The following GPM6A variants were observed in gnomAD, a reference collection of about 807,000 sequenced individuals.
GPM6A encodes the protein neuronal membrane glycoprotein M6-a.
Under a neutral mutation model 32.1 loss-of-function variants are expected in GPM6A, and 7 were observed. That is an observed-to-expected ratio of 0.22 (90% confidence interval 0.12 to 0.41). The LOEUF (loss-of-function observed/expected upper bound fraction) is 0.41, where lower values mean the gene tolerates loss of function less well. Among genes scored for constraint, GPM6A ranks in the 10% least tolerant of loss-of-function variants. GPM6A has a pLI of 1.00. For missense variants in GPM6A, 235 were observed against 347.2 expected, an observed-to-expected ratio of 0.68 and a Z score of 2.57; for synonymous variants, 130 against 123.4, an observed-to-expected ratio of 1.05 and a Z score of -0.35.
chr4:175,815,609 G>C (rs1444855071), upstream of GPM6A, among the ~76,000 whole-genome samples: 1 of 151,956 alleles, frequency 6.6e-6, no homozygotes, highest in Non-Finnish European at 1.5e-5. Flanking sequence ...GCTGTAGGCA[G>C]TGGCTCATGC....
intron 1 of GPM6A, among the ~76,000 whole-genome samples, chr4:175,742,162 T>G (rs548510508): frequency 6.6e-6 from 1 of 152,234 alleles, no homozygotes; most frequent in South Asian, 2.1e-4. Flanking sequence ...ATTATTTCCC[T>G]AAGTTAATAC....
At chr4:175,638,546 C>G (rs1428555815) in intron 6 of GPM6A, among the ~76,000 whole-genome samples, 1 of 152,090 alleles carries the variant, frequency 6.6e-6, no homozygotes, top group East Asian at 1.9e-4. Context: ...TCTATCATCT[C>G]AAAATCTGTT....
At chr4:175,698,142 A>G (rs1442165233) in intron 2 of GPM6A, among the ~76,000 whole-genome samples, 1 of 151,806 alleles carries the variant, frequency 6.6e-6, no homozygotes. Flanking sequence ...GAAGTAGGTA[A>G]CTCCTCAAAT....
intron 1 of GPM6A, among the ~76,000 whole-genome samples, chr4:175,703,696 A>G (rs951821244): frequency 2.0e-5 from 3 of 152,244 alleles, no homozygotes; most frequent in African/African-American, 7.2e-5. Flanking sequence ...AATTAACTAG[A>G]AATGCTTAAG....
At chr4:175,692,358 T>A (rs887936930) in intron 2 of GPM6A, among the ~76,000 whole-genome samples, 2 of 152,190 alleles carry the variant, frequency 1.3e-5, no homozygotes, top group African/African-American at 4.8e-5. Flanking sequence ...TCTCTCTTTG[T>A]TCCCTAATGC....
chr4:175,666,266 C>G (rs542927819), intron 3 of GPM6A, among the ~76,000 whole-genome samples: 2 of 152,162 alleles, frequency 1.3e-5, no homozygotes, highest in Non-Finnish European at 2.9e-5. Context: ...TAATGCTAGT[C>G]TTACTAATTC....
chr4:175,651,945 C>A lies in GPM6A; in HGVS notation c.430G>T (p.Val144Phe). The A allele has an allele frequency of 6.2e-7, 1 of 1,612,872 alleles. No individual in the cohort carries two copies. The highest frequency in any genetic ancestry group is 8.5e-7 in the Non-Finnish European group (1 of 1,179,260). The change falls in exon 4 of 7, where the codon GTC becomes TTC. Residue 144 changes from valine to phenylalanine, a missense_variant. Transcript: ENST00000393658. ...ACTGGCAGTGAGGTGAAAGCCGTGA[C>A]TCCCAGCCAGGCCAACATGAAAAGA... The part of the protein sequence containing the change: ...TYLFMLAWLG[V>F]TAFTSLPVYM...
intron 6 of GPM6A, among the ~76,000 whole-genome samples, chr4:175,637,300 T>C (rs1478096911): frequency 2.5e-5 from 1 of 39,620 alleles, no homozygotes; most frequent in African/African-American, 8.0e-5. Flanking sequence ...ATATATATTA[T>C]ATATTATATA....
intron 3 of GPM6A, among the ~76,000 whole-genome samples, chr4:175,659,034 A>C (rs1186793664): frequency 2.0e-5 from 3 of 152,156 alleles, no homozygotes; most frequent in Non-Finnish European, 4.4e-5. Flanking sequence ...ATATAGAGGA[A>C]GAAAATCTTA....
chr4:175,683,716 G>T (rs1743812607), intron 2 of GPM6A, among the ~76,000 whole-genome samples: 1 of 152,010 alleles, frequency 6.6e-6, no homozygotes. Context: ...TGAGGTGCCT[G>T]CTCCCTCTTT....
rs193000022 is a variant in GPM6A at position 175,793,174 on chromosome 4, T to G, written c.37+19017A>C. ...CTATATTATGTATTTTTGATAGAAC[T>G]CCTCCAAAAAATTAATAATAACTGC... On this transcript the variant is annotated intron_variant, in intron 1 of 6. Coordinates refer to ENST00000393658, the MANE Select transcript of GPM6A (RefSeq NM_201591.3). Among the ~76,000 whole-genome samples, 230 of 152,236 alleles carry G rather than the reference T, an allele frequency of 1.5e-3. 1 individual carries two copies. The highest frequency in any genetic ancestry group is 6.8e-3 in the Middle Eastern group (2 of 294).
rs888853434 is a variant in GPM6A at position 175,962,171 on chromosome 4, C to T, written c.-23+40138G>A. The T allele has an allele frequency of 4.8e-5, 48 of 997,466 alleles. No homozygotes were observed. In the African/African-American group the frequency reaches 6.4e-4, roughly 13 times the overall value. 61.8% of individuals were successfully genotyped at this position (997,466 alleles called of 1,614,324 possible). A position where few individuals can be genotyped will look rare whatever the true frequency, so the allele number is the denominator to read the frequency against. On this transcript the variant is annotated intron_variant, in intron 1 of 7. Coordinates refer to the GPM6A transcript ENST00000280187. The stretch of plus-strand genomic sequence containing the variant: ...ACATCAAGCATCAACCCAAGGTGAT[C>T]GAGCACCTGCTTTCTTTGCCCCTGG...
chr4:175,816,928 C>T (rs1366783193), upstream of GPM6A, among the ~76,000 whole-genome samples: 5 of 152,066 alleles, frequency 3.3e-5, no homozygotes, highest in South Asian at 6.2e-4. Context: ...GGCGCGGTCT[C>T]GGCTCACTGC....
intron 2 of GPM6A, among the ~76,000 whole-genome samples, chr4:175,693,559 G>A (rs1744412736): frequency 6.6e-6 from 1 of 151,892 alleles, no homozygotes; most frequent in Admixed American, 6.6e-5. Context: ...TCATTTCAAG[G>A]TAGTCTATGT....
chr4:175,879,531 A>G (rs1426442518), intron 1 of GPM6A, among the ~76,000 whole-genome samples: 1 of 152,214 alleles, frequency 6.6e-6, no homozygotes, highest in Non-Finnish European at 1.5e-5. Context: ...TCATAAAAGT[A>G]TCAGATCTCA....
At chr4:175,709,855 G>A (rs1200355110) in intron 1 of GPM6A, among the ~76,000 whole-genome samples, 1 of 151,852 alleles carries the variant, frequency 6.6e-6, no homozygotes, top group Non-Finnish European at 1.5e-5. Context: ...AGAAGCTCAG[G>A]TTGATAAAGG....
At chr4:175,651,000 A>G (rs577269144) in intron 4 of GPM6A, among the ~76,000 whole-genome samples, 1 of 152,250 alleles carries the variant, frequency 6.6e-6, no homozygotes, top group East Asian at 1.9e-4. Context: ...ATTATACTCT[A>G]CCTTTCCACT....
chr4:175,881,589 C>G (rs1015331981), intron 1 of GPM6A, among the ~76,000 whole-genome samples: 2 of 152,124 alleles, frequency 1.3e-5, no homozygotes, highest in African/African-American at 4.8e-5. Flanking sequence ...GACTTGGAAC[C>G]AACCCAAATG....
upstream of GPM6A, chr4:175,812,817 T>G (rs915988773): frequency 1.0e-6 from 1 of 985,250 alleles, no homozygotes; most frequent in East Asian, 1.1e-4. Context: ...GTCAGATACG[T>G]TGCAAAAAAA....
Sources: gnomAD v4.1 joint callset for allele counts (sites outside exome capture counted in the v4.1 genomes callset) on GRCh38, gnomAD v4.1.1 for gene constraint, MANE v1.5 for transcripts, NCBI Gene and HGNC (gene_info 2026-07-23, HGNC 2026-07-21) for gene names.